CAST: variants seen among roughly 807,000 people sequenced by gnomAD.
The protein encoded by CAST is calpastatin, also known as MIR583 host.
A neutral mutation model predicts 119.6 loss-of-function variants in CAST; 76 were observed. The ratio of observed to expected loss-of-function variants is 0.64; its 90% CI spans 0.53 to 0.77. The LOEUF is 0.77. Ranked by LOEUF, CAST falls within the 30% of genes least tolerant of loss-of-function variation. The probability of loss-of-function intolerance (pLI) is 0.00; values close to 1 mark genes in which losing one functional copy is unlikely to be tolerated. For missense variants in CAST, 953 were observed against 946.5 expected, an observed-to-expected ratio of 1.01 and a Z score of -0.09; for synonymous variants, 319 against 331.6, an observed-to-expected ratio of 0.96 and a Z score of 0.41.
the CAST span, among the ~76,000 whole-genome samples, chr5:96,424,509 A>G: frequency 2.0e-5 from 3 of 152,286 alleles, no homozygotes; most frequent in African/African-American, 7.2e-5. Flanking sequence ...CTGTTTTTCC[A>G]TCTGTTAAAT....
chr5:96,175,718 T>C, the CAST span, among the ~76,000 whole-genome samples: 1 of 152,244 alleles, frequency 6.6e-6, no homozygotes, highest in African/African-American at 2.4e-5. Flanking sequence ...ATGGATGCCA[T>C]GCATGTTTTT....
the CAST span, among the ~76,000 whole-genome samples, chr5:96,059,199 A>G: frequency 1.3e-5 from 2 of 152,244 alleles, no homozygotes; most frequent in East Asian, 3.9e-4. Flanking sequence ...AGCATCATGC[A>G]AAACATAACC....
At chr5:96,005,177 C>G in the CAST span, among the ~76,000 whole-genome samples, 3 of 152,160 alleles carry the variant, frequency 2.0e-5, no homozygotes, top group African/African-American at 7.2e-5. Context: ...ATATCTGTGC[C>G]AACAGAATGA....
the CAST span, among the ~76,000 whole-genome samples, chr5:96,237,560 C>A: frequency 6.6e-6 from 1 of 152,036 alleles, no homozygotes; most frequent in Admixed American, 6.6e-5. Context: ...ACTAAAGGGG[C>A]CTGGAACCAT....
At chr5:96,359,313 G>A in the CAST span, among the ~76,000 whole-genome samples, 1 of 152,054 alleles carries the variant, frequency 6.6e-6, no homozygotes, top group Non-Finnish European at 1.5e-5. Flanking sequence ...CTTTTAATTG[G>A]GACATTTAGC....
At chr5:96,400,201 AC>A in the CAST span, 1 of 1,570,166 alleles carries the variant, frequency 6.4e-7, no homozygotes, top group Non-Finnish European at 8.8e-7. Flanking sequence ...AGGGGAAGTG[AC>A]CCAAAGTGTC....
chr5:96,545,171 C>T (rs1745987494), intron 1 of CAST: 1 of 152,068 alleles, frequency 6.6e-6, no homozygotes, highest in African/African-American at 2.4e-5. Context: ...TCTAGAAAAC[C>T]ATTGTTTTAT....
the CAST span, among the ~76,000 whole-genome samples, chr5:96,198,870 A>G: frequency 1.3e-5 from 2 of 152,114 alleles, no homozygotes; most frequent in Non-Finnish European, 2.9e-5. Context: ...ATATTACATC[A>G]TGGTTTCCCC....
the CAST span, among the ~76,000 whole-genome samples, chr5:96,372,817 C>A: frequency 4.6e-5 from 7 of 152,136 alleles, no homozygotes; most frequent in African/African-American, 1.7e-4. Context: ...CAGCAGGAGC[C>A]ACCATCAATG....
At chr5:96,685,057 TATATAA>T (rs1281508648) in intron 2 of CAST, among the ~76,000 whole-genome samples, 25 of 150,972 alleles carry the variant, frequency 1.7e-4, no homozygotes, top group African/African-American at 6.1e-4. Flanking sequence ...TAAATATATA[TATATAA>T]ATATATCAAC....
At chr5:95,961,716 C>A in the CAST span, 1 of 1,604,734 alleles carries the variant, frequency 6.2e-7, no homozygotes, top group Non-Finnish European at 8.5e-7. Context: ...TCCCCCCCGC[C>A]GCCATCTTAA....
At chr5:96,726,433 T>A (rs1230308497) in intron 4 of CAST, among the ~76,000 whole-genome samples, 1 of 152,216 alleles carries the variant, frequency 6.6e-6, no homozygotes, top group East Asian at 1.9e-4. Flanking sequence ...TGACAGAATT[T>A]CATAAAACTT....
intron 1 of CAST, among the ~76,000 whole-genome samples, chr5:96,554,727 C>CA (rs1379009180): frequency 6.6e-6 from 1 of 152,114 alleles, no homozygotes; most frequent in Non-Finnish European, 1.5e-5. Context: ...ACAACCCCAA[C>CA]AAAAAACGGG....
At chr5:96,346,639 CCTCATAATGTATCGTCTGTAAGCTGG>C in the CAST span, among the ~76,000 whole-genome samples, 1 of 152,128 alleles carries the variant, frequency 6.6e-6, no homozygotes. Context: ...AACACCCAAA[CCTCATAATGTATCGTCTGTAAGCTGG>C]CACCTCAGTT....
chr5:96,590,530 G>A (rs545758121), intron 1 of CAST, among the ~76,000 whole-genome samples: 2 of 152,326 alleles, frequency 1.3e-5, no homozygotes, highest in South Asian at 2.1e-4. Context: ...ACCCCAGTGT[G>A]CCATACAGAC....
At chr5:96,477,737 T>A in the CAST span, among the ~76,000 whole-genome samples, 1 of 152,224 alleles carries the variant, frequency 6.6e-6, no homozygotes, top group African/African-American at 2.4e-5. Flanking sequence ...CAATCTGACT[T>A]AATTATCCAG....
At chr5:96,114,209 T>C in the CAST span, among the ~76,000 whole-genome samples, 2 of 152,134 alleles carry the variant, frequency 1.3e-5, no homozygotes, top group African/African-American at 2.4e-5. Flanking sequence ...GCAGGAGAGA[T>C]AGTAGAAGCA....
At chr5:96,068,464 C>T in the CAST span, among the ~76,000 whole-genome samples, 4 of 152,044 alleles carry the variant, frequency 2.6e-5, no homozygotes, top group Non-Finnish European at 4.4e-5. Context: ...TCTCCTGCTC[C>T]ATATTCCCTT....
chr5:96,663,957 TCACA>T (rs997739577), intron 1 of CAST, among the ~76,000 whole-genome samples: 9 of 141,738 alleles, frequency 6.3e-5, no homozygotes, highest in African/African-American at 2.4e-4. Flanking sequence ...AAAAAAAAAA[TCACA>T]CACAGGAGTT....
Sources: allele counts gnomAD v4.1 joint callset (sites outside exome capture counted in the v4.1 genomes callset), GRCh38; gene constraint gnomAD v4.1.1; transcripts MANE v1.5; gene names NCBI Gene and HGNC (gene_info 2026-07-23, HGNC 2026-07-21).